AFF2: variants seen among roughly 807,000 people sequenced by gnomAD.
AFF2 encodes the protein ALF transcription elongation factor 2.
AFF2 carries 14 observed loss-of-function variants against 76.9 expected under a neutral mutation model. The observed-to-expected ratio is 0.18, with a 90% CI of 0.12 to 0.28. AFF2 has a LOEUF of 0.28. Among genes scored for constraint, AFF2 ranks in the 10% least tolerant of loss-of-function variants. AFF2 has a pLI of 1.00. For missense variants in AFF2, 868 were observed against 1,001.1 expected, an observed-to-expected ratio of 0.87 and a Z score of 1.79; for synonymous variants, 398 against 366.7, an observed-to-expected ratio of 1.09 and a Z score of -0.98.
intron 3 of AFF2, among the ~76,000 whole-genome samples, chrX:148,797,948 C>T (rs1354092303): frequency 8.9e-6 from 1 of 112,122 alleles, no homozygotes; most frequent in East Asian, 2.8e-4. Flanking sequence ...CTTGTCTACT[C>T]GTCTATAGTA....
chrX:148,946,324 G>A (rs1314489979), intron 9 of AFF2, among the ~76,000 whole-genome samples: 1 of 112,236 alleles, frequency 8.9e-6, no homozygotes, highest in African/African-American at 3.2e-5. Flanking sequence ...CCTTCCCAGG[G>A]TGGGCTTATA....
intron 3 of AFF2, among the ~76,000 whole-genome samples, chrX:148,750,159 G>A (rs1050738042): frequency 6.4e-5 from 7 of 109,039 alleles, no homozygotes; most frequent in African/African-American, 2.0e-4. Context: ...TAGTAGAGAC[G>A]GCATTTCACC....
intron 1 of AFF2, among the ~76,000 whole-genome samples, chrX:148,604,604 A>T (rs2053656849): frequency 8.9e-6 from 1 of 112,318 alleles, no homozygotes. Flanking sequence ...TTTAAAAAAA[A>T]GGAAAATAAA....
intron 8 of AFF2, among the ~76,000 whole-genome samples, chrX:148,902,009 G>A (rs913155881): frequency 1.8e-5 from 2 of 111,488 alleles, no homozygotes; most frequent in African/African-American, 6.5e-5. Context: ...TCAATCAATA[G>A]CCAGGCAACC....
rs782031078 is a variant in AFF2, at chrX:148,953,664, T to G, written c.1482T>G (p.Ser494=). The change falls in exon 10 of 21, where the codon TCT becomes TCG. Residue 494 remains serine (S), a synonymous_variant. Transcript: ENST00000370460. ...GCTCCAGCGAATCGGAGAGCAGCTC[T>G]GAGTCGGATTCAGACACTGAAAGTA... is the stretch of plus-strand genomic sequence containing the variant. The part of the protein sequence containing the change: ...SGSSSESESS[S]ESDSDTESST... 3.3e-6 allele frequency: 4 copies of G among 1,209,460 alleles called. No homozygotes were observed. Among genetic ancestry groups the G allele is most frequent in the Non-Finnish European group, 4.5e-6 (4 of 895,028 alleles).
intron 1 of AFF2, among the ~76,000 whole-genome samples, chrX:148,539,361 G>A (rs182838072): frequency 3.6e-5 from 4 of 111,249 alleles, no homozygotes; most frequent in East Asian, 5.7e-4. Context: ...TTGGAAGCTG[G>A]CTACGTTAGA....
rs1557293789 is a variant in AFF2 at position 148,998,969 on chromosome X, T to C, written c.*7637T>C. On this transcript the variant is annotated 3_prime_UTR_variant, in exon 21 of 21. Transcript: ENST00000370460. ...TAAATCTGCATTAGACCAGGCTATA[T>C]GCTAGGAATGAAATCTGGGCAAATA... The C allele has an allele frequency of 1.8e-5, 2 of 110,906 alleles. No homozygotes were observed. The highest frequency in any genetic ancestry group is 3.8e-5 in the Non-Finnish European group (2 of 52,931). The allele number at this position is 110,906 out of a possible 1,213,427, so 9.1% of individuals were successfully genotyped here.
chrX:148,898,279 A>G (rs782485827), intron 8 of AFF2, among the ~76,000 whole-genome samples: 13 of 112,247 alleles, frequency 1.2e-4, no homozygotes, highest in Non-Finnish European at 2.1e-4. Flanking sequence ...AGGGTCTAGA[A>G]TGGCAGTGTG....
At chrX:148,980,407 T>C (rs1272384606) in intron 18 of AFF2, among the ~76,000 whole-genome samples, 1 of 112,255 alleles carries the variant, frequency 8.9e-6, no homozygotes, top group African/African-American at 3.2e-5. Flanking sequence ...ACTTGCACTC[T>C]GAAGAGCTTG....
chrX:148,687,226 C>T (rs1326285513), intron 3 of AFF2, among the ~76,000 whole-genome samples: 2 of 111,685 alleles, frequency 1.8e-5, no homozygotes, highest in African/African-American at 6.5e-5. Context: ...TTAAAAACAA[C>T]AAATTATCAG....
chrX:148,824,313 T>A (rs1262580948), intron 4 of AFF2, among the ~76,000 whole-genome samples: 1 of 111,692 alleles, frequency 9.0e-6, no homozygotes, highest in Non-Finnish European at 1.9e-5. Context: ...AGCCATTCAT[T>A]GTACAAACTT....
rs918833444 is a variant in AFF2 at position 148,947,450 on chromosome X, C to G, written c.1398-6130C>G. ...CCCTTGTTTCTTTTTTCCACCACAG[C>G]AATTCTGTTTTTATCGGTTTTATAT... On this transcript the variant is annotated intron_variant, in intron 9 of 20. Coordinates refer to ENST00000370460, the MANE Select transcript of AFF2 (RefSeq NM_002025.4). 2.0e-4 allele frequency among the ~76,000 whole-genome samples: 23 copies of G among 112,202 alleles called. 2 individuals carry two copies. The highest frequency in any genetic ancestry group is 2.0e-3 in the Admixed American group (21 of 10,599).
intron 1 of AFF2, among the ~76,000 whole-genome samples, chrX:148,564,473 A>G (rs1557241323): frequency 2.8e-5 from 3 of 108,665 alleles, no homozygotes; most frequent in African/African-American, 1.0e-4. Context: ...GATTTGAAAA[A>G]AAAAAAAAAA....
chrX:148,717,021 G>T (rs1466524358), intron 3 of AFF2, among the ~76,000 whole-genome samples: 3 of 111,891 alleles, frequency 2.7e-5, no homozygotes, highest in Non-Finnish European at 5.6e-5. Context: ...AAAAGTTAAA[G>T]ATAAAGATAT....
chrX:148,909,717 C>A (rs2071448252), intron 9 of AFF2, among the ~76,000 whole-genome samples: 1 of 111,680 alleles, frequency 9.0e-6, no homozygotes, highest in Admixed American at 9.5e-5. Context: ...CAAGGGAAAC[C>A]TGGTCTATTT....
chrX:148,644,458 A>C (rs1557255121), intron 1 of AFF2, among the ~76,000 whole-genome samples: 2 of 111,793 alleles, frequency 1.8e-5, no homozygotes, highest in African/African-American at 3.3e-5. Flanking sequence ...ATGGTATACC[A>C]CTTCAGAGTT....
intron 1 of AFF2, among the ~76,000 whole-genome samples, chrX:148,545,098 G>A (rs2052904856): frequency 8.9e-6 from 1 of 111,893 alleles, no homozygotes; most frequent in Non-Finnish European, 1.9e-5. Flanking sequence ...AAATACTGTT[G>A]TTATTTATTT....
intron 15 of AFF2, among the ~76,000 whole-genome samples, chrX:148,971,126 GT>G (rs142941450): frequency 0.013 from 875 of 69,076 alleles, 2 homozygotes; most frequent in African/African-American, 0.024. Flanking sequence ...TAACTTCATT[GT>G]TTTTTTTTTT....
intron 9 of AFF2, among the ~76,000 whole-genome samples, chrX:148,925,811 C>T (rs782011174): frequency 2.7e-5 from 3 of 111,444 alleles, no homozygotes; most frequent in African/African-American, 9.8e-5. Context: ...TGCAAGCCTT[C>T]GGTATGGTGT....
Sources: allele counts gnomAD v4.1 joint callset (sites outside exome capture counted in the v4.1 genomes callset), GRCh38; gene constraint gnomAD v4.1.1; transcripts MANE v1.5; gene names NCBI Gene and HGNC (gene_info 2026-07-23, HGNC 2026-07-21).